The following NDUFS4 variants were observed in gnomAD, a reference collection of about 807,000 sequenced individuals.
NDUFS4 encodes NADH:ubiquinone oxidoreductase subunit S4, also known as NADH dehydrogenase [ubiquinone] iron-sulfur protein 4, mitochondrial.
In NDUFS4, 28 loss-of-function variants were observed where a neutral mutation model predicts 24.3. The ratio of observed to expected loss-of-function variants is 1.15; its 90% confidence interval spans 0.85 to 1.58. NDUFS4 has a LOEUF of 1.58. Ranked by LOEUF, NDUFS4 falls within the 40% of genes most tolerant of loss-of-function variation. The pLI is 0.00. For synonymous variants in NDUFS4, 93 were observed against 69.7 expected (o/e 1.34, Z -1.67); for missense variants, 223 against 207.9 (o/e 1.07, Z -0.45).
At chr5:53,586,328 T>TG (rs1749752341) in intron 1 of NDUFS4, among the ~76,000 whole-genome samples, 1 of 106,240 alleles carries the variant, frequency 9.4e-6, no homozygotes, top group Non-Finnish European at 1.9e-5. Flanking sequence ...AAACTTCATC[T>TG]CAAAAAAAAA....
chr5:53,658,412 TA>T (rs1752224941), intron 3 of NDUFS4, 138 bp from the exon 4 acceptor site: 1 of 642,616 alleles, frequency 1.6e-6, no homozygotes, highest in Non-Finnish European at 2.7e-6. Context: ...CTAACAGTTT[TA>T]AAGAAATTAT....
At chr5:53,598,935 A>G (rs1176206589) in intron 1 of NDUFS4, among the ~76,000 whole-genome samples, 1 of 152,180 alleles carries the variant, frequency 6.6e-6, no homozygotes, top group African/African-American at 2.4e-5. Flanking sequence ...ATTAAGAATG[A>G]TACTTTACAA....
At chr5:53,561,742 G>GATA (rs753266187) in intron 1 of NDUFS4, among the ~76,000 whole-genome samples, 538 of 152,288 alleles carry the variant, frequency 3.5e-3, no homozygotes, top group Middle Eastern at 0.017. Context: ...AATATAAATG[G>GATA]AATGCAGAGA....
At chr5:53,671,759 T>C (rs965471700) in intron 4 of NDUFS4, among the ~76,000 whole-genome samples, 5 of 152,160 alleles carry the variant, frequency 3.3e-5, no homozygotes, top group East Asian at 1.9e-4. Flanking sequence ...TGTGGAAAAT[T>C]TGGATGGTGG....
At chr5:53,576,164 G>C (rs1402911728) in intron 1 of NDUFS4, among the ~76,000 whole-genome samples, 1 of 152,236 alleles carries the variant, frequency 6.6e-6, no homozygotes, top group Non-Finnish European at 1.5e-5. Flanking sequence ...TAAAATCAGA[G>C]TGGGGGATTA....
intron 4 of NDUFS4, among the ~76,000 whole-genome samples, chr5:53,661,663 C>A (rs376686136): frequency 6.6e-6 from 1 of 152,100 alleles, no homozygotes; most frequent in African/African-American, 2.4e-5. Flanking sequence ...TGTTTGTATC[C>A]GCTTTTATTT....
intron 4 of NDUFS4, among the ~76,000 whole-genome samples, chr5:53,662,281 T>C (rs1938535043): frequency 6.6e-6 from 1 of 152,178 alleles, no homozygotes; most frequent in South Asian, 2.1e-4. Context: ...TTGGTTCTGT[T>C]TATATGCTGG....
intron 2 of NDUFS4, among the ~76,000 whole-genome samples, chr5:53,617,005 A>G (rs1331980967): frequency 6.6e-6 from 1 of 152,162 alleles, no homozygotes; most frequent in African/African-American, 2.4e-5. Flanking sequence ...CAGGAATAAT[A>G]AACTCATCTC....
chr5:53,597,853 A>G (rs1233439148), intron 1 of NDUFS4, among the ~76,000 whole-genome samples: 1 of 152,202 alleles, frequency 6.6e-6, no homozygotes, highest in Non-Finnish European at 1.5e-5. Flanking sequence ...CAAAACACGT[A>G]TCTCATAAAG....
intron 1 of NDUFS4, among the ~76,000 whole-genome samples, chr5:53,598,645 CAT>C (rs778680015): frequency 6.6e-6 from 1 of 152,026 alleles, no homozygotes; most frequent in African/African-American, 2.4e-5. Context: ...AAATTTATCT[CAT>C]ATTGTTATCA....
At chr5:53,630,828 G>T (rs1262741453) in intron 2 of NDUFS4, among the ~76,000 whole-genome samples, 1 of 152,040 alleles carries the variant, frequency 6.6e-6, no homozygotes, top group Non-Finnish European at 1.5e-5. Flanking sequence ...GTTAGAACAT[G>T]CTCTTTTAGT....
chr5:53,645,891 T>C (rs1168276472), intron 2 of NDUFS4, among the ~76,000 whole-genome samples: 1 of 152,180 alleles, frequency 6.6e-6, no homozygotes, highest in East Asian at 1.9e-4. Flanking sequence ...TCTGACTAGT[T>C]CGCACTTGCT....
chr5:53,584,535 A>G (rs1579837000), intron 1 of NDUFS4, among the ~76,000 whole-genome samples: 1 of 151,492 alleles, frequency 6.6e-6, no homozygotes, highest in Non-Finnish European at 1.5e-5. Flanking sequence ...AGACGGGGTT[A>G]CACCTTGTTG....
chr5:53,602,254 A>G (rs1750347190), intron 1 of NDUFS4, among the ~76,000 whole-genome samples: 2 of 152,316 alleles, frequency 1.3e-5, no homozygotes, highest in Admixed American at 1.3e-4. Context: ...GAGTTGCTTA[A>G]TTATACTTCT....
intron 1 of NDUFS4, among the ~76,000 whole-genome samples, chr5:53,568,887 TAAAC>T (rs998949093): frequency 5.9e-5 from 9 of 152,204 alleles, no homozygotes; most frequent in African/African-American, 1.9e-4. Context: ...TCTGTATTCT[TAAAC>T]AAAGCTATAT....
chr5:53,641,979 G>T (rs365578), intron 2 of NDUFS4, among the ~76,000 whole-genome samples: 53,256 of 151,952 alleles, frequency 0.35, 10,214 homozygotes, highest in African/African-American at 0.51. Context: ...TACTAAAACT[G>T]TTCAGCATTG....
At chr5:53,620,482 G>T (rs562418969) in intron 2 of NDUFS4, among the ~76,000 whole-genome samples, 1 of 152,140 alleles carries the variant, frequency 6.6e-6, no homozygotes, top group African/African-American at 2.4e-5. Flanking sequence ...TGGTTGATGA[G>T]ATTTCTATCA....
intron 2 of NDUFS4, among the ~76,000 whole-genome samples, chr5:53,632,046 T>C (rs1579899022): frequency 6.6e-6 from 1 of 152,180 alleles, no homozygotes; most frequent in African/African-American, 2.4e-5. Flanking sequence ...GCACCCACTG[T>C]CCAGCCAGTC....
chr5:53,674,750 A>G (rs1561401846), intron 4 of NDUFS4, among the ~76,000 whole-genome samples: 1 of 152,210 alleles, frequency 6.6e-6, no homozygotes, highest in Non-Finnish European at 1.5e-5. Flanking sequence ...TAATGAATCA[A>G]TTTGGTTAAT....
Sources: allele counts gnomAD v4.1 joint callset (sites outside exome capture counted in the v4.1 genomes callset), GRCh38; gene constraint gnomAD v4.1.1; transcripts MANE v1.5; gene names NCBI Gene and HGNC (gene_info 2026-07-23, HGNC 2026-07-21).